ZNF248: variants seen among roughly 807,000 people sequenced by gnomAD.
ZNF248 encodes the protein zinc finger protein 248, also known as KRAB protein domain.
ZNF248 carries 20 observed loss-of-function variants against 44.3 expected under a neutral mutation model. That is an observed-to-expected ratio of 0.45 (90% CI 0.32 to 0.66). The LOEUF (loss-of-function observed/expected upper bound fraction) is 0.66. Ranked by LOEUF, ZNF248 falls within the 30% of genes least tolerant of loss-of-function variation. The pLI is 0.04. For synonymous variants in ZNF248, 224 were observed against 229.0 expected (o/e 0.98, Z 0.20); for missense variants, 654 against 677.0 (o/e 0.97, Z 0.38).
chr10:37,844,416 G>A (rs1192774458), intron 3 of ZNF248, among the ~76,000 whole-genome samples: 1 of 151,006 alleles, frequency 6.6e-6, no homozygotes, highest in African/African-American at 2.4e-5. Flanking sequence ...GAAATAAAGA[G>A]CTCTAGTAAA....
At chr10:37,817,217 G>A (rs759224201) in intron 6 of ZNF248, among the ~76,000 whole-genome samples, 4 of 152,112 alleles carry the variant, frequency 2.6e-5, no homozygotes, top group East Asian at 3.9e-4. Context: ...AGGAAGACGG[G>A]AGGGCACTGA....
intron 6 of ZNF248, chr10:37,818,878 C>G (rs1169053094): frequency 9.5e-7 from 1 of 1,052,356 alleles, no homozygotes; most frequent in African/African-American, 1.6e-5. Flanking sequence ...CTGGTTATAG[C>G]CAAAAGGCTT....
chr10:37,831,827 G>A lies in ZNF248; in HGVS notation c.1528C>T (p.His510Tyr). 1 of 1,613,486 alleles carries A rather than the reference G, an allele frequency of 6.2e-7. No individual in the cohort carries two copies. ...TTCTCCCCAGTGTGAGTTCTTTGAT[G>A]TACAATGAGGTTTGACTTCACACAG... is the stretch of plus-strand genomic sequence containing the variant. The part of the protein sequence containing the change: ...SFCVKSNLIV[H>Y]QRTHTGEKPY... The change falls in exon 6 of 6, where the codon CAT (histidine) becomes TAT (tyrosine). Residue 510 changes from histidine to tyrosine, a missense_variant. His to Tyr is a moderately conservative substitution (Grantham distance 83). Transcript: ENST00000395867.
chr10:37,770,639 T>G, the ZNF248 span, among the ~76,000 whole-genome samples: 7 of 152,190 alleles, frequency 4.6e-5, no homozygotes, highest in Non-Finnish European at 1.0e-4. Context: ...GATTAAAGAC[T>G]TACATGTTAG....
At chr10:37,817,299 G>A (rs977094525) in intron 6 of ZNF248, among the ~76,000 whole-genome samples, 1 of 152,090 alleles carries the variant, frequency 6.6e-6, no homozygotes, top group African/African-American at 2.4e-5. Flanking sequence ...ATAAGTAGTG[G>A]TTAGTTGCTG....
intron 6 of ZNF248, chr10:37,795,520 G>T (rs1358006296): frequency 6.6e-6 from 1 of 151,914 alleles, no homozygotes; most frequent in African/African-American, 2.4e-5. Flanking sequence ...ATCTCTTTTG[G>T]CTGCCAGAGT....
chr10:37,776,414 C>T (rs1041210024), downstream of ZNF248: 8 of 389,794 alleles, frequency 2.1e-5, no homozygotes, highest in African/African-American at 1.2e-4. Flanking sequence ...GCTGTGCAAA[C>T]TGTCAGGCTC....
chr10:37,785,376 G>A (rs954221068), intron 6 of ZNF248, among the ~76,000 whole-genome samples: 2 of 152,194 alleles, frequency 1.3e-5, no homozygotes, highest in African/African-American at 4.8e-5. Context: ...TGCCCATGAT[G>A]TGGGGTTACT....
At chr10:37,854,434 T>C (rs903477217) in intron 3 of ZNF248, among the ~76,000 whole-genome samples, 1 of 152,104 alleles carries the variant, frequency 6.6e-6, no homozygotes, top group Non-Finnish European at 1.5e-5. Flanking sequence ...GTTAAGTTCA[T>C]AGAAAAATAA....
chr10:37,811,678 A>G (rs904147238), intron 6 of ZNF248, among the ~76,000 whole-genome samples: 1 of 143,980 alleles, frequency 6.9e-6, no homozygotes, highest in Non-Finnish European at 1.5e-5. Flanking sequence ...CTACAAAAAA[A>G]AAAATATATA....
intron 6 of ZNF248, among the ~76,000 whole-genome samples, chr10:37,797,556 T>C (rs369537035): frequency 6.6e-6 from 1 of 152,272 alleles, no homozygotes; most frequent in South Asian, 2.1e-4. Flanking sequence ...ATTACATATC[T>C]GACAAGGGTC....
In ZNF248 at chr10:37,838,119, A is replaced by T. The variant is rs2057595816; in HGVS notation, c.16-8T>A. The T allele has an allele frequency of 6.2e-7, 1 of 1,607,166 alleles. No individual in the cohort carries two copies. Among genetic ancestry groups the T allele is most frequent in the Admixed American group, 1.7e-5 (1 of 59,320 alleles). On this transcript the variant is annotated splice_region_variant and splice_polypyrimidine_tract_variant and intron_variant, in intron 3 of 5. Transcript: ENST00000395867. ...CTTGAATGACACTTGTTCCTGTAAT[A>T]GTATACTCTTTTTACATGAAATGGT...
chr10:37,806,809 A>T (rs1179682546), intron 6 of ZNF248, among the ~76,000 whole-genome samples: 2 of 152,100 alleles, frequency 1.3e-5, no homozygotes, highest in Non-Finnish European at 2.9e-5. Flanking sequence ...ATATCCAAGA[A>T]ATCATTACCA....
chr10:37,763,463 T>C, the ZNF248 span, among the ~76,000 whole-genome samples: 16 of 152,340 alleles, frequency 1.1e-4, no homozygotes, highest in African/African-American at 3.6e-4. Flanking sequence ...TGTTTGATCA[T>C]ATAGCCTCCA....
intron 6 of ZNF248, chr10:37,820,458 C>T: frequency 6.3e-7 from 1 of 1,590,716 alleles, no homozygotes; most frequent in Non-Finnish European, 8.6e-7. Context: ...CCATCTAAAC[C>T]ACAGAGGGGC....
At chr10:37,818,890 C>A in intron 6 of ZNF248, 1 of 1,069,432 alleles carries the variant, frequency 9.4e-7, no homozygotes, top group Non-Finnish European at 1.4e-6. Flanking sequence ...AAAAGGCTTC[C>A]CTCCAGAAAG....
Position 37,831,567 on chromosome 10 carries a change from T to A in ZNF248, c.*48A>T, listed in dbSNP as rs2055632993. ...TCTTTGGCTTTCTCTGATCTCCTTT[T>A]TTGAAACTGTATAACCAATTTCACA... On this transcript the variant is annotated 3_prime_UTR_variant, in exon 6 of 6. Transcript: ENST00000395867. 1 of 1,564,526 alleles carries A rather than the reference T, an allele frequency of 6.4e-7. No homozygotes were observed. The highest frequency in any genetic ancestry group is 1.4e-5 in the African/African-American group (1 of 72,764).
At chr10:37,828,687 A>T, downstream of ZNF248, 1 of 985,370 alleles carries the variant, frequency 1.0e-6, no homozygotes, top group Non-Finnish European at 1.2e-6. Flanking sequence ...GTCAAAAGCA[A>T]TAGTCATAAC....
intron 3 of ZNF248, 105 bp from the exon 4 acceptor site, chr10:37,838,216 C>T (rs2057633398): frequency 1.9e-6 from 2 of 1,055,168 alleles, no homozygotes; most frequent in South Asian, 1.7e-5. Context: ...TGACAGGTTA[C>T]CTCCCTCTGT....
Sources: allele counts gnomAD v4.1 joint callset (sites outside exome capture counted in the v4.1 genomes callset), GRCh38; gene constraint gnomAD v4.1.1; transcripts MANE v1.5; gene names NCBI Gene and HGNC (gene_info 2026-07-23, HGNC 2026-07-21).